The following MARCHF1 variants were observed in gnomAD, a reference collection of about 807,000 sequenced individuals.
MARCHF1 encodes E3 ubiquitin-protein ligase MARCHF1.
In MARCHF1, 40 loss-of-function variants were observed where a neutral mutation model predicts 54.2. The ratio of observed to expected loss-of-function variants is 0.74; its 90% CI spans 0.57 to 0.96. MARCHF1 has a LOEUF of 0.96. Ranked by LOEUF, MARCHF1 falls within the 40% of genes least tolerant of loss-of-function variation. The pLI is 0.00. For synonymous variants in MARCHF1, 236 were observed against 236.3 expected, an observed-to-expected ratio of 1.00 and a Z score of 0.01; for missense variants, 586 against 656.5, an observed-to-expected ratio of 0.89 and a Z score of 1.17.
chr4:164,087,388 T>A (rs559797181), intron 2 of MARCHF1, among the ~76,000 whole-genome samples: 1 of 152,212 alleles, frequency 6.6e-6, no homozygotes, highest in African/African-American at 2.4e-5. Context: ...GTGAAATTGT[T>A]AATTAGAAAA....
intron 1 of MARCHF1, among the ~76,000 whole-genome samples, chr4:164,339,845 C>T (rs963394292): frequency 1.3e-5 from 2 of 151,850 alleles, no homozygotes; most frequent in African/African-American, 4.8e-5. Flanking sequence ...GGAGATAAGA[C>T]TCAAATAAAG....
intron 1 of MARCHF1, among the ~76,000 whole-genome samples, chr4:164,225,000 G>C (rs1216583481): frequency 6.6e-6 from 1 of 151,878 alleles, no homozygotes; most frequent in Non-Finnish European, 1.5e-5. Flanking sequence ...CTTCAGGGCT[G>C]GATTGGTTTC....
intron 3 of MARCHF1, among the ~76,000 whole-genome samples, chr4:163,983,514 C>T (rs1043981884): frequency 3.3e-5 from 5 of 151,962 alleles, no homozygotes; most frequent in African/African-American, 7.3e-5. Flanking sequence ...GACACTGTAA[C>T]AAAAAGAAAA....
chr4:164,133,911 T>C (rs868557746), intron 1 of MARCHF1, among the ~76,000 whole-genome samples: 4 of 152,220 alleles, frequency 2.6e-5, no homozygotes, highest in Admixed American at 1.3e-4. Context: ...ATTTTCTAAA[T>C]AGATACTGTA....
At chr4:163,848,525 T>TA (rs1207775528) in intron 4 of MARCHF1, among the ~76,000 whole-genome samples, 3 of 152,210 alleles carry the variant, frequency 2.0e-5, no homozygotes, top group Admixed American at 6.6e-5. Context: ...TTCACCTTCT[T>TA]ACTTCGGATT....
At chr4:163,942,456 T>C (rs1297848672) in intron 3 of MARCHF1, among the ~76,000 whole-genome samples, 2 of 152,220 alleles carry the variant, frequency 1.3e-5, no homozygotes, top group Non-Finnish European at 2.9e-5. Context: ...TTATGCTACA[T>C]ATGTTAACGA....
At chr4:163,551,822 G>C (rs115446141) in intron 8 of MARCHF1, among the ~76,000 whole-genome samples, 1 of 152,086 alleles carries the variant, frequency 6.6e-6, no homozygotes, top group Admixed American at 6.5e-5. Context: ...GCCTGCTGCC[G>C]TGTAAGACAT....
chr4:163,951,340 T>C (rs1463360482), intron 3 of MARCHF1, among the ~76,000 whole-genome samples: 1 of 152,180 alleles, frequency 6.6e-6, no homozygotes, highest in Non-Finnish European at 1.5e-5. Flanking sequence ...TGCATGTAAC[T>C]ACGAACACAG....
intron 4 of MARCHF1, among the ~76,000 whole-genome samples, chr4:163,709,563 T>C (rs536495249): frequency 1.3e-5 from 2 of 152,176 alleles, no homozygotes; most frequent in Non-Finnish European, 2.9e-5. Flanking sequence ...GGTATATCTA[T>C]GTGTGTTGTA....
chr4:164,262,886 T>A (rs979752972), intron 1 of MARCHF1, among the ~76,000 whole-genome samples: 2 of 152,282 alleles, frequency 1.3e-5, no homozygotes, highest in East Asian at 3.9e-4. Flanking sequence ...TAGAATAAAT[T>A]AGTAAATATT....
chr4:164,204,604 A>C (rs1448682216), intron 1 of MARCHF1, among the ~76,000 whole-genome samples: 1 of 152,198 alleles, frequency 6.6e-6, no homozygotes, highest in Non-Finnish European at 1.5e-5. Flanking sequence ...TGTGTGAAAA[A>C]CTTTGTGCCT....
At chr4:164,065,011 T>C (rs774651112) in intron 2 of MARCHF1, among the ~76,000 whole-genome samples, 10 of 152,168 alleles carry the variant, frequency 6.6e-5, no homozygotes, top group Non-Finnish European at 1.2e-4. Context: ...AGCTTGATCA[T>C]AGTGGGTGAG....
At chr4:163,956,377 T>C (rs1752233676) in intron 3 of MARCHF1, among the ~76,000 whole-genome samples, 1 of 152,236 alleles carries the variant, frequency 6.6e-6, no homozygotes, top group South Asian at 2.1e-4. Flanking sequence ...TGACTTTCTT[T>C]CTTGGACATG....
intron 1 of MARCHF1, among the ~76,000 whole-genome samples, chr4:164,340,439 T>A (rs1180686606): frequency 1.2e-5 from 1 of 86,126 alleles, no homozygotes; most frequent in Non-Finnish European, 2.6e-5. Context: ...ATATATAGTT[T>A]GTTTGTTTGA....
At chr4:163,813,599 A>G (rs909338973) in intron 4 of MARCHF1, among the ~76,000 whole-genome samples, 1 of 152,216 alleles carries the variant, frequency 6.6e-6, no homozygotes, top group Non-Finnish European at 1.5e-5. Flanking sequence ...GAATACATAA[A>G]TTACCTTCAT....
intron 3 of MARCHF1, among the ~76,000 whole-genome samples, chr4:163,963,223 G>A (rs1462641052): frequency 6.6e-6 from 1 of 151,884 alleles, no homozygotes; most frequent in African/African-American, 2.4e-5. Flanking sequence ...AGGCATTAGT[G>A]TACTTTGACT....
At chr4:164,117,386 C>T (rs1221467666) in intron 1 of MARCHF1, among the ~76,000 whole-genome samples, 3 of 151,988 alleles carry the variant, frequency 2.0e-5, no homozygotes, top group African/African-American at 7.3e-5. Flanking sequence ...AATGGAAATA[C>T]AAGTTACCTA....
chr4:163,933,301 A>G (rs562134415), intron 3 of MARCHF1: 12 of 590,974 alleles, frequency 2.0e-5, no homozygotes, highest in Admixed American at 4.0e-5. Context: ...ACCTTTTTAC[A>G]TATCTCCATT....
chr4:163,830,049 G>A lies in MARCHF1; in HGVS notation c.111+23972C>T, dbSNP rs551221931. Among the ~76,000 whole-genome samples the A allele has an allele frequency of 2.0e-5, 3 of 152,186 alleles. No individual in the cohort carries two copies. The South Asian group carries it at 6.2e-4, about 32-fold the overall frequency. ...GTCAGGATTTTGTGGGTAAATTGTT[G>A]TGAACAATTTAATTAAAGCCTCCAA... On this transcript the variant is annotated intron_variant, in intron 4 of 9. Transcript: ENST00000514618.
Sources: allele counts gnomAD v4.1 joint callset (sites outside exome capture counted in the v4.1 genomes callset), GRCh38; gene constraint gnomAD v4.1.1; transcripts MANE v1.5; gene names NCBI Gene and HGNC (gene_info 2026-07-23, HGNC 2026-07-21).